The following SEC16B variants were observed in gnomAD, a reference collection of about 807,000 sequenced individuals.
The protein encoded by SEC16B is SEC16 homolog B, endoplasmic reticulum export factor, also known as protein transport protein Sec16B.
Under a neutral mutation model 141.8 loss-of-function variants are expected in SEC16B, and 115 were observed. The ratio of observed to expected loss-of-function variants is 0.81; its 90% CI spans 0.70 to 0.95. The LOEUF is 0.95. SEC16B is among the 40% of genes least tolerant of loss of function. SEC16B has a pLI of 0.00. For missense variants in SEC16B, 1,291 were observed against 1,312.3 expected (o/e 0.98, Z 0.25); for synonymous variants, 493 against 492.5 (o/e 1.00, Z -0.01).
intron 15 of SEC16B, among the ~76,000 whole-genome samples, chr1:177,942,352 T>C (rs754976499): frequency 4.6e-5 from 7 of 152,154 alleles, no homozygotes; most frequent in Non-Finnish European, 8.8e-5. Flanking sequence ...GAGTCTGATG[T>C]AGAGGCATAG....
intron 1 of SEC16B, among the ~76,000 whole-genome samples, chr1:177,968,819 G>C (rs1411676025): frequency 1.3e-5 from 2 of 152,146 alleles, no homozygotes; most frequent in Non-Finnish European, 2.9e-5. Context: ...GCAAATTTGG[G>C]ATTGTTTTCA....
intron 11 of SEC16B, among the ~76,000 whole-genome samples, chr1:177,952,824 A>G (rs986299796): frequency 1.4e-4 from 22 of 151,954 alleles, no homozygotes; most frequent in Non-Finnish European, 3.2e-4. Context: ...TCACAATACA[A>G]TTTCTGTGTT....
chr1:177,961,354 T>C, intron 6 of SEC16B: 1 of 521,096 alleles, frequency 1.9e-6, no homozygotes, highest in Non-Finnish European at 3.3e-6. Context: ...GTGCCTCCTT[T>C]CCCAACTTGA....
chr1:177,929,299 CA>C lies in SEC16B; in HGVS notation c.*558del, dbSNP rs1234341980. 1 of 154,280 alleles carries C rather than the reference CA, an allele frequency of 6.5e-6. No individual in the cohort carries two copies. Among genetic ancestry groups the C allele is most frequent in the East Asian group, 1.9e-4 (1 of 5,228 alleles). 9.6% of individuals were successfully genotyped at this position (154,280 alleles called of 1,614,324 possible). ...TGAACCACATTCAAAAAAATGTGCA[CA>C]AAACTAGGACCAAGAGGGAAACTGC... On this transcript the variant is annotated 3_prime_UTR_variant, in exon 26 of 26. Transcript: ENST00000308284.
intron 13 of SEC16B, among the ~76,000 whole-genome samples, chr1:177,947,080 AT>A (rs1651771500): frequency 6.6e-6 from 1 of 152,200 alleles, no homozygotes; most frequent in African/African-American, 2.4e-5. Flanking sequence ...CTCAACAAAC[AT>A]TAGTTCCCTT....
chr1:177,958,950 T>A lies in SEC16B; in HGVS notation c.1024A>T (p.Met342Leu). The change falls in exon 9 of 26, where the codon ATG becomes TTG. Residue 342 changes from methionine to leucine, a missense_variant. Around this residue, in one of 3 missense-constraint regions of SEC16B, gnomAD observed 681 missense variants for 675.5 expected, o/e 1.01. Transcript: ENST00000308284. ...IREDVHKVDI[M>L]TFCQQKAAQS... is the part of the protein sequence containing the mutation. ...GCTGCTTTCTGCTGGCAAAACGTCA[T>A]AATATCCACCTTATGTACATCTTCC... 1 of 1,613,520 alleles carries A rather than the reference T, an allele frequency of 6.2e-7. No individual in the cohort carries two copies. The highest frequency in any genetic ancestry group is 1.1e-5 in the South Asian group (1 of 90,970).
upstream of SEC16B, among the ~76,000 whole-genome samples, chr1:177,971,739 C>G (rs560732991): frequency 2.1e-4 from 32 of 152,146 alleles, no homozygotes; most frequent in African/African-American, 7.0e-4. Flanking sequence ...AATGATTTAC[C>G]CAAGATCACA....
Position 177,976,891 on chromosome 1 carries a change from A to T in SEC16B, c.-59+7315T>A, listed in dbSNP as rs867465692. On this transcript the variant is annotated intron_variant and NMD_transcript_variant, in intron 1 of 24. Transcript: ENST00000528461. ...AAATAGAGAAAATGTGTCATACAACAACACAGGAAAAAAATAATGGGCTAA... is the reference window on the plus strand; with the variant it reads ...AAATAGAGAAAATGTGTCATACAACTACACAGGAAAAAAATAATGGGCTAA... 3.3e-5 allele frequency among the ~76,000 whole-genome samples: 5 copies of T among 152,286 alleles called. 1 individual carries two copies. The Middle Eastern group carries it at 0.017, about 518-fold the overall frequency.
chr1:177,941,292 C>A (rs1032997017), intron 16 of SEC16B, among the ~76,000 whole-genome samples: 9 of 152,184 alleles, frequency 5.9e-5, no homozygotes, highest in Admixed American at 2.0e-4. Context: ...CTCACCACCA[C>A]AAATTTTATA....
At chr1:177,940,934 G>A (rs1489445109) in intron 16 of SEC16B, among the ~76,000 whole-genome samples, 1 of 152,194 alleles carries the variant, frequency 6.6e-6, no homozygotes, top group Non-Finnish European at 1.5e-5. Context: ...CGTCTTGGGT[G>A]CTAGATTCTA....
At chr1:177,934,134 AC>A (rs1467054837) in intron 20 of SEC16B, among the ~76,000 whole-genome samples, 15 of 144,012 alleles carry the variant, frequency 1.0e-4, no homozygotes, top group Non-Finnish European at 2.2e-4. Context: ...CTTTACATTA[AC>A]TTTTTTTTTT....
At chr1:177,938,445 C>G (rs1353796791) in intron 18 of SEC16B, among the ~76,000 whole-genome samples, 2 of 152,236 alleles carry the variant, frequency 1.3e-5, no homozygotes, top group Non-Finnish European at 2.9e-5. Flanking sequence ...ACAGCTCCTC[C>G]TATAACCTGT....
At chr1:177,951,781 C>T in intron 12 of SEC16B, 133 bp downstream of exon 12, 1 of 725,592 alleles carries the variant, frequency 1.4e-6, no homozygotes, top group Non-Finnish European at 2.4e-6. Flanking sequence ...GGGCCTGGCA[C>T]ATGGTGATTA....
At chr1:177,932,384 C>G in intron 24 of SEC16B, 106 bp downstream of exon 24, 1 of 780,552 alleles carries the variant, frequency 1.3e-6, no homozygotes, top group Non-Finnish European at 1.9e-6. Context: ...AGCAGAGAAG[C>G]ATTCTTCAGG....
At position 177,967,910 on chromosome 1, in the gene SEC16B, G is replaced by A. The variant is rs752189771; in HGVS notation, c.72C>T (p.Asp24=). Residue 24 remains aspartate, a synonymous_variant, in exon 2 of 26, where the codon GAC becomes GAT. Coordinates refer to ENST00000308284, the MANE Select transcript of SEC16B (RefSeq NM_033127.4). ...GKATAPSKDP[D]RGFRRDGHHR... is the part of the protein sequence containing the mutation. The stretch of plus-strand genomic sequence containing the variant: ...GATGTCCATCTCTCCGAAACCCTCG[G>A]TCTGGATCCTTTGAGGGTGCTGTGG... 1.9e-6 allele frequency: 3 copies of A among 1,613,986 alleles called. No homozygotes were observed. Among genetic ancestry groups the A allele is most frequent in the Admixed American group, 3.3e-5 (2 of 60,024 alleles).
chr1:177,946,183 C>G (rs1015797561), intron 14 of SEC16B: 4 of 604,460 alleles, frequency 6.6e-6, no homozygotes, highest in Admixed American at 2.9e-5. Flanking sequence ...ACAAAGGCAT[C>G]AGCCCACCTC....
intron 13 of SEC16B, among the ~76,000 whole-genome samples, chr1:177,947,058 C>A (rs1651769491): frequency 6.6e-6 from 1 of 152,138 alleles, no homozygotes; most frequent in Non-Finnish European, 1.5e-5. Context: ...AGTGCCTGGC[C>A]CCCAAGAAGG....
At chr1:177,954,479 C>A in intron 10 of SEC16B, 103 bp from the exon 11 acceptor site, 2 of 882,380 alleles carry the variant, frequency 2.3e-6, no homozygotes, top group Non-Finnish European at 3.6e-6. Context: ...GGCTAGGCTT[C>A]CAGAAAACTC....
chr1:177,948,598 A>C (rs1231381281), intron 12 of SEC16B: 2 of 1,304,112 alleles, frequency 1.5e-6, no homozygotes, highest in African/African-American at 1.5e-5. Flanking sequence ...AAAGCCCCGC[A>C]TCAATGGTGT....
Sources: allele counts gnomAD v4.1 joint callset (sites outside exome capture counted in the v4.1 genomes callset), GRCh38; gene constraint gnomAD v4.1.1; regional missense constraint gnomAD v4.1.1; transcripts MANE v1.5; gene names NCBI Gene and HGNC (gene_info 2026-07-23, HGNC 2026-07-21).